Variants in SLC24A3 observed in about 807,000 individuals in gnomAD.
SLC24A3 encodes the protein sodium/potassium/calcium exchanger 3.
A neutral mutation model predicts 75.8 loss-of-function variants in SLC24A3; 28 were observed. That is an observed-to-expected ratio of 0.37 (90% CI 0.27 to 0.51). SLC24A3 has a LOEUF of 0.51. Ranked by LOEUF, SLC24A3 falls within the 20% of genes least tolerant of loss-of-function variation. SLC24A3 has a pLI of 0.94. For synonymous variants in SLC24A3, 372 were observed against 334.1 expected (o/e 1.11, Z -1.24); for missense variants, 663 against 847.8 (o/e 0.78, Z 2.71).
At position 19,286,553 on chromosome 20, in the gene SLC24A3, C is replaced by A. The variant is rs6045952; in HGVS notation, c.271+5466C>A. Among the ~76,000 whole-genome samples the A allele has an allele frequency of 8.6e-3, 1,316 of 152,158 alleles. 11 individuals carry two copies. Among genetic ancestry groups the A allele is most frequent in the African/African-American group, 0.029 (1,192 of 41,506 alleles). Reference sequence around the variant, plus strand: ...TCTTTTACATGAAAAAAACAAGAACCAGAGGGGATAAACAACCGCCCAAGG... The same window carrying A: ...TCTTTTACATGAAAAAAACAAGAACAAGAGGGGATAAACAACCGCCCAAGG... On this transcript the variant is annotated intron_variant, in intron 2 of 16. Coordinates refer to ENST00000328041, the MANE Select transcript of SLC24A3 (RefSeq NM_020689.4).
intron 6 of SLC24A3, among the ~76,000 whole-genome samples, chr20:19,631,051 A>G (rs915554127): frequency 7.2e-5 from 11 of 152,182 alleles, no homozygotes; most frequent in African/African-American, 2.4e-4. Flanking sequence ...TTTTATTATG[A>G]AAGTATTGTG....
chr20:19,687,465 T>A (rs367574454), intron 12 of SLC24A3, among the ~76,000 whole-genome samples: 3 of 152,324 alleles, frequency 2.0e-5, no homozygotes, highest in African/African-American at 7.2e-5. Flanking sequence ...ACCCTGAGAA[T>A]CTTAGGGACC....
chr20:19,569,307 C>T (rs918387238), intron 3 of SLC24A3, among the ~76,000 whole-genome samples: 6 of 152,152 alleles, frequency 3.9e-5, no homozygotes, highest in African/African-American at 1.4e-4. Flanking sequence ...CATGTATGTA[C>T]TTATTGAGGG....
chr20:19,701,190 T>A (rs1343157918), intron 15 of SLC24A3, among the ~76,000 whole-genome samples: 2 of 152,172 alleles, frequency 1.3e-5, no homozygotes, highest in Admixed American at 1.3e-4. Flanking sequence ...ATGAAAAGCA[T>A]GTTGAATAAA....
In SLC24A3 at chr20:19,552,944, C is replaced by T. The variant is rs1410092339; in HGVS notation, c.349-27056C>T. ...CAGCAGGAATTTGTCCTGTGCAGTG[C>T]GGGCCTGTGATTGTCAAGGTTTGCA... On this transcript the variant is annotated intron_variant, in intron 3 of 16. Transcript: ENST00000328041. Among the ~76,000 whole-genome samples the T allele has an allele frequency of 3.9e-5, 6 of 152,054 alleles. No individual in the cohort carries two copies. In the South Asian group the frequency reaches 6.2e-4, roughly 16 times the overall value.
chr20:19,612,666 T>C (rs1323313445), intron 6 of SLC24A3, among the ~76,000 whole-genome samples: 2 of 150,918 alleles, frequency 1.3e-5, no homozygotes, highest in Non-Finnish European at 3.0e-5. Context: ...TAAAAATACA[T>C]CCAGAATCTG....
intron 6 of SLC24A3, among the ~76,000 whole-genome samples, chr20:19,642,782 G>A (rs923489717): frequency 6.6e-6 from 1 of 152,080 alleles, no homozygotes; most frequent in African/African-American, 2.4e-5. Flanking sequence ...CTTAAGGAAG[G>A]GTTCTTTGTT....
At chr20:19,387,649 A>AT (rs1409109172) in intron 2 of SLC24A3, among the ~76,000 whole-genome samples, 6 of 151,968 alleles carry the variant, frequency 3.9e-5, no homozygotes, top group African/African-American at 1.4e-4. Flanking sequence ...CTGTTTTTGA[A>AT]TTTCTGGTTT....
At chr20:19,547,104 A>G (rs1351387191) in intron 3 of SLC24A3, among the ~76,000 whole-genome samples, 1 of 152,202 alleles carries the variant, frequency 6.6e-6, no homozygotes, top group East Asian at 1.9e-4. Context: ...TTATCACAAC[A>G]TGTAATTATA....
chr20:19,505,518 G>T (rs1005769475), intron 2 of SLC24A3, among the ~76,000 whole-genome samples: 1 of 152,178 alleles, frequency 6.6e-6, no homozygotes, highest in South Asian at 2.1e-4. Context: ...CAAGTTGTTT[G>T]TTTCTGAGAT....
chr20:19,377,635 A>C (rs916442970), intron 2 of SLC24A3, among the ~76,000 whole-genome samples: 1 of 152,250 alleles, frequency 6.6e-6, no homozygotes, highest in Non-Finnish European at 1.5e-5. Flanking sequence ...AAATCTGTGC[A>C]TATTCTTGCA....
At chr20:19,618,876 C>A (rs1404499372) in intron 6 of SLC24A3, among the ~76,000 whole-genome samples, 1 of 152,200 alleles carries the variant, frequency 6.6e-6, no homozygotes, top group African/African-American at 2.4e-5. Context: ...ACTTTGTCCT[C>A]AGATCCAGAA....
chr20:19,439,436 CA>C (rs565096994), intron 2 of SLC24A3, among the ~76,000 whole-genome samples: 20 of 152,168 alleles, frequency 1.3e-4, no homozygotes, highest in African/African-American at 4.8e-4. Flanking sequence ...CCTTCCTCGC[CA>C]AAAAACAAAA....
intron 15 of SLC24A3, among the ~76,000 whole-genome samples, chr20:19,702,239 A>G (rs2032882959): frequency 1.3e-5 from 2 of 152,196 alleles, no homozygotes; most frequent in South Asian, 4.1e-4. Flanking sequence ...TTATTCTTCT[A>G]TCAGTAATTC....
intron 2 of SLC24A3, among the ~76,000 whole-genome samples, chr20:19,307,050 G>C (rs1469936014): frequency 6.6e-6 from 1 of 152,136 alleles, no homozygotes; most frequent in African/African-American, 2.4e-5. Flanking sequence ...TGAGGATATT[G>C]GTTGGAGTGG....
intron 2 of SLC24A3, among the ~76,000 whole-genome samples, chr20:19,423,098 G>A (rs923187434): frequency 2.0e-5 from 3 of 152,200 alleles, no homozygotes; most frequent in Non-Finnish European, 4.4e-5. Flanking sequence ...GCATGCTCAG[G>A]GCAGACACAC....
intron 9 of SLC24A3, 34 bp downstream of exon 9, chr20:19,673,688 G>C (rs1298195197): frequency 6.4e-7 from 1 of 1,565,942 alleles, no homozygotes; most frequent in East Asian, 2.2e-5. Flanking sequence ...ATCCAAAACT[G>C]TTTCTTGCAT....
intron 13 of SLC24A3, among the ~76,000 whole-genome samples, chr20:19,695,200 G>A (rs185563460): frequency 1.9e-3 from 282 of 152,322 alleles, no homozygotes; most frequent in Non-Finnish European, 3.1e-3. Flanking sequence ...GGGAAGGAGC[G>A]ATTGTGGCCT....
chr20:19,554,505 A>G (rs1264054335), intron 3 of SLC24A3, among the ~76,000 whole-genome samples: 1 of 152,190 alleles, frequency 6.6e-6, no homozygotes, highest in Non-Finnish European at 1.5e-5. Flanking sequence ...CTTCCTGGGT[A>G]TAGGTTATTG....
Sources: gnomAD v4.1 joint callset for allele counts (sites outside exome capture counted in the v4.1 genomes callset) on GRCh38, gnomAD v4.1.1 for gene constraint, MANE v1.5 for transcripts, NCBI Gene and HGNC (gene_info 2026-07-23, HGNC 2026-07-21) for gene names.